The following DIAPH3 variants were observed in gnomAD, a reference collection of about 807,000 sequenced individuals.
DIAPH3 encodes the protein diaphanous related formin 3.
A neutral mutation model predicts 144.3 loss-of-function variants in DIAPH3; 117 were observed. The observed-to-expected ratio is 0.81, with a 90% CI of 0.70 to 0.95. The LOEUF (loss-of-function observed/expected upper bound fraction) is 0.95, where lower values mean the gene tolerates loss of function less well. DIAPH3 is among the 40% of genes least tolerant of loss of function. The pLI, the probability that DIAPH3 is intolerant of heterozygous loss-of-function variation, is 0.00. For synonymous variants in DIAPH3, 519 were observed against 488.9 expected (o/e 1.06, Z -0.81); for missense variants, 1,421 against 1,412.7 (o/e 1.01, Z -0.09).
At chr13:60,154,174 G>C (rs1951921891) in intron 1 of DIAPH3, among the ~76,000 whole-genome samples, 1 of 152,090 alleles carries the variant, frequency 6.6e-6, no homozygotes, top group Non-Finnish European at 1.5e-5. Context: ...GCCCTAAAGT[G>C]TAGGCAAAAA....
rs34356415 is a variant in DIAPH3 at position 60,119,746 on chromosome 13, CAAAAAAA to C, written c.214-7567_214-7561del. ...TGGGCGACAGAGCGAGACTCCGTCT[CAAAAAAA>C]AAAAAAAAAAAAAAAAAAGAAATGA... On this transcript the variant is annotated intron_variant, in intron 2 of 27. Coordinates refer to ENST00000400324, the MANE Select transcript of DIAPH3 (RefSeq NM_001042517.2). Among the ~76,000 whole-genome samples the C allele has an allele frequency of 4.0e-4, 20 of 49,540 alleles. 1 individual carries two copies. In the East Asian group the frequency reaches 4.7e-3, roughly 12 times the overall value. The allele number at this position is 49,540 out of a possible 152,430, so 32.5% of individuals were successfully genotyped here. A position where few individuals can be genotyped will look rare whatever the true frequency, so the allele number is the denominator to read the frequency against.
chr13:59,990,258 G>A (rs1468145582), intron 12 of DIAPH3, among the ~76,000 whole-genome samples: 2 of 151,530 alleles, frequency 1.3e-5, no homozygotes, highest in Non-Finnish European at 3.0e-5. Flanking sequence ...AACATTTTGG[G>A]TCTCCTCCTT....
At chr13:59,778,610 C>G (rs2094627881) in intron 25 of DIAPH3, among the ~76,000 whole-genome samples, 1 of 152,228 alleles carries the variant, frequency 6.6e-6, no homozygotes. Context: ...AGCTTTCTTT[C>G]TTCCTTTTCC....
intron 4 of DIAPH3, among the ~76,000 whole-genome samples, chr13:60,079,012 C>G (rs1008416311): frequency 6.6e-6 from 1 of 151,912 alleles, no homozygotes; most frequent in Admixed American, 6.6e-5. Context: ...CAGATCTATG[C>G]GTGCTGGAAG....
intron 27 of DIAPH3, among the ~76,000 whole-genome samples, chr13:59,708,350 G>A (rs1267419926): frequency 6.6e-6 from 1 of 151,958 alleles, no homozygotes; most frequent in South Asian, 2.1e-4. Context: ...ACCTACAATC[G>A]CAGTTTCTAA....
chr13:59,731,678 A>G (rs1383551713), intron 27 of DIAPH3, among the ~76,000 whole-genome samples: 2 of 152,230 alleles, frequency 1.3e-5, no homozygotes, highest in Non-Finnish European at 2.9e-5. Flanking sequence ...ACGTTGAGAC[A>G]TAATTGCCAT....
intron 1 of DIAPH3, among the ~76,000 whole-genome samples, chr13:60,142,514 C>G (rs1228500816): frequency 6.6e-6 from 1 of 152,162 alleles, no homozygotes; most frequent in Non-Finnish European, 1.5e-5. Context: ...AAACATAACT[C>G]TGAGGACCCC....
At chr13:59,929,750 T>C (rs983870501) in intron 17 of DIAPH3, among the ~76,000 whole-genome samples, 2 of 151,410 alleles carry the variant, frequency 1.3e-5, no homozygotes, top group Non-Finnish European at 2.9e-5. Context: ...TTTTTTTTTT[T>C]AGTAGAGACA....
intron 22 of DIAPH3, among the ~76,000 whole-genome samples, chr13:59,839,890 G>C (rs1017810018): frequency 6.6e-6 from 1 of 152,156 alleles, no homozygotes; most frequent in African/African-American, 2.4e-5. Context: ...TATTGTCCAA[G>C]CTTATCTACA....
chr13:60,134,406 A>C (rs2059216611), intron 1 of DIAPH3, among the ~76,000 whole-genome samples: 1 of 152,182 alleles, frequency 6.6e-6, no homozygotes. Context: ...TGGGATCCTG[A>C]GCGGGATGTA....
intron 22 of DIAPH3, among the ~76,000 whole-genome samples, chr13:59,846,274 T>C (rs1464658173): frequency 6.6e-6 from 1 of 151,798 alleles, no homozygotes; most frequent in Non-Finnish European, 1.5e-5. Flanking sequence ...CTCCTGGAGG[T>C]GTTGGTCATT....
chr13:59,969,916 T>C (rs1566588490), intron 17 of DIAPH3, 28 bp downstream of exon 17: 1 of 1,372,768 alleles, frequency 7.3e-7, no homozygotes, highest in South Asian at 1.3e-5. Flanking sequence ...AAAATCAAAT[T>C]AATAAATAAT....
intron 1 of DIAPH3, among the ~76,000 whole-genome samples, chr13:60,153,066 T>C (rs1243211791): frequency 6.6e-6 from 1 of 152,148 alleles, no homozygotes; most frequent in Non-Finnish European, 1.5e-5. Flanking sequence ...TATAACCATG[T>C]TCTCTCAGGA....
intron 13 of DIAPH3, among the ~76,000 whole-genome samples, chr13:59,982,252 A>T (rs1207935729): frequency 6.6e-6 from 1 of 151,518 alleles, no homozygotes; most frequent in Non-Finnish European, 1.5e-5. Flanking sequence ...TGGTGTTCAA[A>T]TATTTTATTT....
chr13:59,830,962 G>C (rs112028428), intron 24 of DIAPH3, among the ~76,000 whole-genome samples: 3 of 151,744 alleles, frequency 2.0e-5, no homozygotes, highest in African/African-American at 7.3e-5. Flanking sequence ...GAATACAAGA[G>C]GCAGCATGAC....
chr13:60,114,017 A>G (rs2058637642), intron 2 of DIAPH3, among the ~76,000 whole-genome samples: 1 of 152,222 alleles, frequency 6.6e-6, no homozygotes, highest in Non-Finnish European at 1.5e-5. Context: ...GCCATAGACT[A>G]GGCAAAAGAC....
At chr13:60,050,039 T>G (rs960970785) in intron 4 of DIAPH3, among the ~76,000 whole-genome samples, 2 of 152,052 alleles carry the variant, frequency 1.3e-5, no homozygotes. Flanking sequence ...AAAACATTTT[T>G]CTTAATTAAC....
At chr13:60,073,311 A>G (rs2057277874) in intron 4 of DIAPH3, among the ~76,000 whole-genome samples, 1 of 151,316 alleles carries the variant, frequency 6.6e-6, no homozygotes, top group African/African-American at 2.4e-5. Context: ...GTTGTCTCAA[A>G]AAAAAAAAAA....
chr13:59,700,834 G>A (rs1472039837), intron 27 of DIAPH3, among the ~76,000 whole-genome samples: 1 of 152,146 alleles, frequency 6.6e-6, no homozygotes, highest in East Asian at 1.9e-4. Context: ...AACCATAAAT[G>A]TTAAAGAGTA....
Sources: gnomAD v4.1 joint callset for allele counts (sites outside exome capture counted in the v4.1 genomes callset) on GRCh38, gnomAD v4.1.1 for gene constraint, MANE v1.5 for transcripts, NCBI Gene and HGNC (gene_info 2026-07-23, HGNC 2026-07-21) for gene names.